DOCK8: variants seen among roughly 807,000 people sequenced by gnomAD.
DOCK8 encodes dedicator of cytokinesis protein 8.
In DOCK8, 141 loss-of-function variants were observed where a neutral mutation model predicts 245.6. The ratio of observed to expected loss-of-function variants is 0.57; its 90% confidence interval spans 0.50 to 0.66. The LOEUF is 0.66. DOCK8 is among the 30% of genes least tolerant of loss of function. The pLI is 0.00. For missense variants in DOCK8, 2,965 were observed against 2,603.4 expected, an observed-to-expected ratio of 1.14 and a Z score of -3.02; for synonymous variants, 1,168 against 970.2, an observed-to-expected ratio of 1.20 and a Z score of -3.79.
chr9:317,251 C>A (rs577533693), intron 7 of DOCK8, 123 bp downstream of exon 7: 28 of 817,058 alleles, frequency 3.4e-5, no homozygotes, highest in Non-Finnish European at 5.5e-5. Context: ...TAACAGTGGG[C>A]AGCTGTGGAG....
intron 40 of DOCK8, among the ~76,000 whole-genome samples, chr9:440,454 C>T (rs1449303736): frequency 6.6e-6 from 1 of 151,916 alleles, no homozygotes; most frequent in Non-Finnish European, 1.5e-5. Flanking sequence ...TTTTTATTTC[C>T]AAGTTTCCTC....
At chr9:426,010 A>T (rs1204439438) in intron 33 of DOCK8, among the ~76,000 whole-genome samples, 4 of 152,140 alleles carry the variant, frequency 2.6e-5, no homozygotes, top group Non-Finnish European at 5.9e-5. Context: ...ATATGAGCTG[A>T]TATAATGATA....
At chr9:451,447 AT>A (rs1413639567) in intron 45 of DOCK8, among the ~76,000 whole-genome samples, 1 of 152,030 alleles carries the variant, frequency 6.6e-6, no homozygotes, top group Non-Finnish European at 1.5e-5. Flanking sequence ...ATGTGGCAAA[AT>A]CCCATCACTA....
chr9:428,450 C>G lies in DOCK8; in HGVS notation c.4427C>G (p.Thr1476Ser). 1.2e-6 allele frequency: 2 copies of G among 1,614,202 alleles called. No individual in the cohort carries two copies. Among genetic ancestry groups the G allele is most frequent in the Non-Finnish European group, 8.5e-7 (1 of 1,180,020 alleles). Residue 1476 changes from threonine (T) to serine (S), a missense_variant, in exon 35 of 48, where the codon ACC (threonine) becomes AGC (serine). Around this residue, in one of 3 missense-constraint regions of DOCK8, gnomAD observed 2,825 missense variants for 2,453.5 expected, o/e 1.15. Transcript: ENST00000432829. The part of the protein sequence containing the change: ...VNSLNCDQST[T>S]YLTHCFATLR... Reference sequence around the variant, plus strand: ...TCTCTGAACTGTGATCAGAGTACCACCTACCTGACTCACTGCTTTGCAACA... The same window carrying G: ...TCTCTGAACTGTGATCAGAGTACCAGCTACCTGACTCACTGCTTTGCAACA...
At position 396,839 on chromosome 9, in the gene DOCK8, A is replaced by T. The variant is rs1176224238; in HGVS notation, c.3025A>T (p.Arg1009Trp). Residue 1009 changes from arginine (R) to tryptophan (W), a missense_variant, in exon 25 of 48, where the codon AGG becomes TGG. Physicochemically the swap from Arg to Trp is moderately radical, Grantham distance 101 (BLOSUM62 -3). Around this residue, in one of 3 missense-constraint regions of DOCK8, gnomAD observed 2,825 missense variants for 2,453.5 expected, o/e 1.15. Coordinates refer to ENST00000432829, the MANE Select transcript of DOCK8 (RefSeq NM_203447.4). ...CATGGACAAACGGGACAGTTTTCGG[A>T]GGACTCGTTTTTCTGACCGTTTCAT... ...HNMDKRDSFR[R>W]TRFSDRFMDD... The T allele has an allele frequency of 6.2e-7, 1 of 1,614,010 alleles. No homozygotes were observed. The highest frequency in any genetic ancestry group is 8.5e-7 in the Non-Finnish European group (1 of 1,180,026).
intron 1 of DOCK8, among the ~76,000 whole-genome samples, chr9:240,089 T>A (rs1382667359): frequency 6.6e-6 from 1 of 152,236 alleles, no homozygotes; most frequent in Non-Finnish European, 1.5e-5. Context: ...TATGTGTGGC[T>A]CCCTTGTTTT....
At chr9:353,954 A>G (rs1257135828) in intron 14 of DOCK8, among the ~76,000 whole-genome samples, 1 of 152,150 alleles carries the variant, frequency 6.6e-6, no homozygotes, top group African/African-American at 2.4e-5. Flanking sequence ...ACCAAGGAAA[A>G]ATTATTTATA....
intron 23 of DOCK8, among the ~76,000 whole-genome samples, 181 bp from the exon 24 acceptor site, chr9:390,290 C>T (rs2054132450): frequency 6.6e-6 from 1 of 152,196 alleles, no homozygotes; most frequent in Admixed American, 6.5e-5. Context: ...AAATGTCCTC[C>T]AGTCTCAGGT....
At chr9:374,450 T>A (rs2053431816) in intron 18 of DOCK8, among the ~76,000 whole-genome samples, 1 of 116,844 alleles carries the variant, frequency 8.6e-6, no homozygotes, top group Admixed American at 1.0e-4. Context: ...ATGGTCCTTT[T>A]GTGTTTTTTT....
chr9:438,050 G>C (rs192479768), intron 39 of DOCK8, among the ~76,000 whole-genome samples: 1 of 152,354 alleles, frequency 6.6e-6, no homozygotes, highest in South Asian at 2.1e-4. Flanking sequence ...CATAGGGCAG[G>C]TTTGGAAGAA....
chr9:370,723 A>G (rs1307972833), intron 16 of DOCK8, among the ~76,000 whole-genome samples: 3 of 152,094 alleles, frequency 2.0e-5, no homozygotes, highest in Admixed American at 6.6e-5. Context: ...GAAATGGAAC[A>G]CTCATTATTC....
chr9:245,440 T>C (rs1249671706), intron 1 of DOCK8, among the ~76,000 whole-genome samples: 1 of 152,146 alleles, frequency 6.6e-6, no homozygotes, highest in Non-Finnish European at 1.5e-5. Context: ...ACTCCTGACC[T>C]CAGGTGATCT....
At chr9:319,823 TTTGTGTTTTAAATGGAGAAA>T (rs1215716741) in intron 7 of DOCK8, among the ~76,000 whole-genome samples, 1 of 152,224 alleles carries the variant, frequency 6.6e-6, no homozygotes, top group Non-Finnish European at 1.5e-5. Flanking sequence ...ATTTTTCTGT[TTTGTGTTTTAAATGGAGAAA>T]TATTTTAAGA....
At chr9:343,007 A>C (rs2051685429) in intron 14 of DOCK8, among the ~76,000 whole-genome samples, 1 of 152,188 alleles carries the variant, frequency 6.6e-6, no homozygotes. Flanking sequence ...CTAAAATTTT[A>C]CATTTGCAGT....
chr9:379,929 A>C lies in DOCK8; in HGVS notation c.2599A>C (p.Lys867Gln), dbSNP rs1372255725. 1 of 1,613,776 alleles carries C rather than the reference A, an allele frequency of 6.2e-7. No individual in the cohort carries two copies. Among genetic ancestry groups the C allele is most frequent in the Non-Finnish European group, 8.5e-7 (1 of 1,179,978 alleles). The change falls in exon 21 of 48, where the codon AAG becomes CAG. Residue 867 changes from lysine (K) to glutamine (Q), a missense_variant. Lys to Gln is a moderately conservative substitution (Grantham distance 53). This residue lies in a region of DOCK8 where 2,825 missense variants were observed against 2,453.5 expected (regional missense o/e 1.15). Coordinates refer to ENST00000432829, the MANE Select transcript of DOCK8 (RefSeq NM_203447.4). ...RLPEVQRDVP[K>Q]SGAPTALLDP... ...GCCAGAGGTGCAAAGGGATGTGCCCAAGTCAGGTAGAGTTGCCCTGAGTGT... is the reference window on the plus strand; with the variant it reads ...GCCAGAGGTGCAAAGGGATGTGCCCCAGTCAGGTAGAGTTGCCCTGAGTGT...
At chr9:230,035 C>T (rs1462836879) in intron 1 of DOCK8, among the ~76,000 whole-genome samples, 2 of 151,182 alleles carry the variant, frequency 1.3e-5, no homozygotes, top group African/African-American at 2.4e-5. Flanking sequence ...GGTATATCTC[C>T]TAATGCTATC....
intron 23 of DOCK8, among the ~76,000 whole-genome samples, chr9:389,025 A>G (rs949951508): frequency 6.6e-6 from 1 of 152,210 alleles, no homozygotes; most frequent in African/African-American, 2.4e-5. Context: ...GAGTTTATCT[A>G]CGTTTATTCC....
Position 404,932 on chromosome 9 carries a change from C to T in DOCK8, c.3249C>T (p.Leu1083=), listed in dbSNP as rs372358415. 1.2e-6 allele frequency: 2 copies of T among 1,614,114 alleles called. No individual in the cohort carries two copies. The highest frequency in any genetic ancestry group is 1.7e-6 in the Non-Finnish European group (2 of 1,180,034). ...RHYCSQLSAK[L]SNLPTLISMR... is the part of the protein sequence containing the mutation. Reference sequence around the variant, plus strand: ...TTTCTTCCCAGCTGTCAGCCAAGCTCAGTAACCTTCCAACGCTCATTTCCA... The same window carrying T: ...TTTCTTCCCAGCTGTCAGCCAAGCTTAGTAACCTTCCAACGCTCATTTCCA... The change falls in exon 27 of 48, where the codon CTC becomes CTT. Residue 1083 remains leucine (L), a synonymous_variant. Coordinates refer to ENST00000432829, the MANE Select transcript of DOCK8 (RefSeq NM_203447.4).
At chr9:452,186 C>A in intron 46 of DOCK8, 69 bp downstream of exon 46, 1 of 996,002 alleles carries the variant, frequency 1.0e-6, no homozygotes, top group Non-Finnish European at 1.5e-6. Flanking sequence ...AGACCAGCAG[C>A]TTCAGCATCA....
Sources: allele counts gnomAD v4.1 joint callset (sites outside exome capture counted in the v4.1 genomes callset), GRCh38; gene constraint gnomAD v4.1.1; regional missense constraint gnomAD v4.1.1; transcripts MANE v1.5; gene names NCBI Gene and HGNC (gene_info 2026-07-23, HGNC 2026-07-21).